PRKCH: variants seen among roughly 807,000 people sequenced by gnomAD.
The protein encoded by PRKCH is protein kinase C eta.
Under a neutral mutation model 82.5 loss-of-function variants are expected in PRKCH, and 28 were observed. The ratio of observed to expected loss-of-function variants is 0.34; its 90% CI spans 0.25 to 0.47. The LOEUF (loss-of-function observed/expected upper bound fraction) is 0.47. Among genes scored for constraint, PRKCH ranks in the 20% least tolerant of loss-of-function variants. PRKCH has a pLI of 1.00. For missense variants in PRKCH, 705 were observed against 881.8 expected (o/e 0.80, Z 2.54); for synonymous variants, 322 against 327.4 (o/e 0.98, Z 0.18).
In PRKCH at chr14:61,378,479, T is replaced by G. The variant is rs144097526; in HGVS notation, c.364-12746T>G. Among the ~76,000 whole-genome samples, 12 of 152,266 alleles carry G rather than the reference T, an allele frequency of 7.9e-5. No individual in the cohort carries two copies. The East Asian group carries it at 2.3e-3, about 29-fold the overall frequency. The stretch of plus-strand genomic sequence containing the variant: ...TCTTGGCCTCCCAAAATACTGAGAT[T>G]ACAGATGTGAGCCGCCACACCCAGC... On this transcript the variant is annotated intron_variant, in intron 1 of 13. Coordinates refer to ENST00000332981, the MANE Select transcript of PRKCH (RefSeq NM_006255.5).
rs184708272 is a variant in PRKCH at position 61,480,231 on chromosome 14, T to C, written c.1279-5271T>C. Among the ~76,000 whole-genome samples, 30 of 152,338 alleles carry C rather than the reference T, an allele frequency of 2.0e-4. No homozygotes were observed. The East Asian group carries it at 5.2e-3, about 26-fold the overall frequency. ...TGCCATCTCTGTCTAGAGTGGGATT[T>C]GGGAAACCCCTCTCTGCCATAGGAG... On this transcript the variant is annotated intron_variant, in intron 9 of 13. Coordinates refer to ENST00000332981, the MANE Select transcript of PRKCH (RefSeq NM_006255.5).
chr14:61,325,931 A>C (rs919781087), intron 1 of PRKCH, among the ~76,000 whole-genome samples: 2 of 152,186 alleles, frequency 1.3e-5, no homozygotes, highest in African/African-American at 4.8e-5. Context: ...CCCACTAGAA[A>C]GGTTAAAATT....
At chr14:61,489,916 G>A (rs1340805438) in intron 10 of PRKCH, among the ~76,000 whole-genome samples, 1 of 152,212 alleles carries the variant, frequency 6.6e-6, no homozygotes, top group Non-Finnish European at 1.5e-5. Context: ...AAGCCAGCCA[G>A]CACACATTTG....
At chr14:61,272,344 C>CTTTTTTTTTTTTT (rs1162331604) in intron 1 of PRKCH, among the ~76,000 whole-genome samples, 13 of 23,570 alleles carry the variant, frequency 5.5e-4, no homozygotes, top group East Asian at 1.1e-3. Context: ...TTTTTTCTTT[C>CTTTTTTTTTTTTT]TTTTTTTTTT....
chr14:61,287,565 C>G (rs1489515070), intron 1 of PRKCH, among the ~76,000 whole-genome samples: 1 of 152,106 alleles, frequency 6.6e-6, no homozygotes. Context: ...ACAAAATTAC[C>G]TAGGCATGGT....
intron 1 of PRKCH, among the ~76,000 whole-genome samples, chr14:61,383,356 G>A (rs1244138595): frequency 6.6e-6 from 1 of 152,098 alleles, no homozygotes; most frequent in East Asian, 1.9e-4. Flanking sequence ...TTGGTTCAAG[G>A]AACTCTGCGA....
chr14:61,416,053 C>CTTTTTTTTTTTTTTTTTTTTT (rs71117815), intron 2 of PRKCH, among the ~76,000 whole-genome samples: 3 of 94,186 alleles, frequency 3.2e-5, no homozygotes, highest in Admixed American at 1.4e-4. Flanking sequence ...CTTTTCTTTT[C>CTTTTTTTTTTTTTTTTTTTTT]TTTTTTTTTT....
At chr14:61,520,074 CAAAAA>C (rs71992585) in intron 10 of PRKCH, among the ~76,000 whole-genome samples, 1 of 97,426 alleles carries the variant, frequency 1.0e-5, no homozygotes, top group Non-Finnish European at 2.4e-5. Flanking sequence ...CTACAGAAAC[CAAAAA>C]AAAAAAAAAA....
At chr14:61,205,972 C>T (rs1298044091) in intron 1 of PRKCH, among the ~76,000 whole-genome samples, 1 of 152,194 alleles carries the variant, frequency 6.6e-6, no homozygotes, top group Non-Finnish European at 1.5e-5. Context: ...ACATCATCTT[C>T]AGCCAGCACT....
chr14:61,466,555 A>G (rs1291024204), intron 9 of PRKCH, among the ~76,000 whole-genome samples: 1 of 152,128 alleles, frequency 6.6e-6, no homozygotes, highest in Non-Finnish European at 1.5e-5. Flanking sequence ...AGCAAAGTAA[A>G]TATTGGTCTG....
intron 1 of PRKCH, among the ~76,000 whole-genome samples, chr14:61,193,101 G>A (rs373071471): frequency 6.6e-6 from 1 of 152,332 alleles, no homozygotes; most frequent in African/African-American, 2.4e-5. Context: ...GATGGTGTCA[G>A]ATGGCAGGGC....
intron 1 of PRKCH, among the ~76,000 whole-genome samples, chr14:61,336,447 A>G (rs1220296508): frequency 6.6e-6 from 1 of 152,162 alleles, no homozygotes; most frequent in African/African-American, 2.4e-5. Context: ...TATAGTTACA[A>G]TGTTGGCTAA....
intron 10 of PRKCH, among the ~76,000 whole-genome samples, chr14:61,500,446 C>T (rs747353477): frequency 6.6e-6 from 1 of 152,120 alleles, no homozygotes; most frequent in Non-Finnish European, 1.5e-5. Flanking sequence ...AACCCTCCCA[C>T]TGTGGCCTCC....
In PRKCH at chr14:61,453,300, G is replaced by T; in HGVS notation, c.907G>T (p.Ala303Ser). The change falls in exon 7 of 14, where the codon GCC (alanine) becomes TCC (serine). Residue 303 changes from alanine (A) to serine (S), a missense_variant. Ala to Ser is a moderately conservative substitution (Grantham distance 99, BLOSUM62 1). Transcript: ENST00000332981. ...PNCGVNAVEL[A>S]KTLAGMGLQP... The stretch of plus-strand genomic sequence containing the variant: ...CTGTGGGGTAAATGCGGTGGAACTT[G>T]CCAAGACCCTGGCAGGGATGGGTCT... 1 of 1,614,124 alleles carries T rather than the reference G, an allele frequency of 6.2e-7. No homozygotes were observed.
chr14:61,330,551 G>A (rs983562653), intron 1 of PRKCH, among the ~76,000 whole-genome samples: 2 of 152,224 alleles, frequency 1.3e-5, no homozygotes, highest in Admixed American at 6.5e-5. Context: ...AATCATAGAT[G>A]TTGAAGCAGG....
chr14:61,364,871 G>A (rs998751489), intron 1 of PRKCH, among the ~76,000 whole-genome samples: 2 of 151,972 alleles, frequency 1.3e-5, no homozygotes, highest in African/African-American at 4.8e-5. Context: ...ATAAGGAACA[G>A]GAAGGAGTGT....
chr14:61,370,517 C>T (rs1177463019), intron 1 of PRKCH, among the ~76,000 whole-genome samples: 3 of 151,980 alleles, frequency 2.0e-5, no homozygotes, highest in Admixed American at 1.3e-4. Context: ...ATGAAAGGCC[C>T]AATCTGTATT....
intron 1 of PRKCH, among the ~76,000 whole-genome samples, chr14:61,383,580 ATCT>A (rs2046542853): frequency 6.6e-6 from 1 of 152,074 alleles, no homozygotes; most frequent in African/African-American, 2.4e-5. Flanking sequence ...AAGCTGTGTC[ATCT>A]TCTGTGCTCG....
chr14:61,341,758 C>G (rs1037799932), intron 1 of PRKCH, among the ~76,000 whole-genome samples: 3 of 152,118 alleles, frequency 2.0e-5, no homozygotes, highest in African/African-American at 7.2e-5. Flanking sequence ...CTCCTTTTTC[C>G]TCTTTGGGAT....
Sources: allele counts gnomAD v4.1 joint callset (sites outside exome capture counted in the v4.1 genomes callset), GRCh38; gene constraint gnomAD v4.1.1; transcripts MANE v1.5; gene names NCBI Gene and HGNC (gene_info 2026-07-23, HGNC 2026-07-21).